The following AS3MT variants were observed in gnomAD, a reference collection of about 807,000 sequenced individuals.
AS3MT encodes the protein arsenite methyltransferase.
AS3MT carries 47 observed loss-of-function variants against 45.3 expected under a neutral mutation model. That is an observed-to-expected ratio of 1.04 (90% CI 0.82 to 1.32). AS3MT has a LOEUF of 1.32. Among genes scored for constraint, AS3MT ranks in the 40% most tolerant of loss-of-function variants. The pLI is 0.00. For synonymous variants in AS3MT, 141 were observed against 152.8 expected (o/e 0.92, Z 0.57); for missense variants, 396 against 451.1 (o/e 0.88, Z 1.11).
Position 102,878,430 on chromosome 10 carries a change from A to G in AS3MT, c.662A>G (p.Gln221Arg). 6.2e-7 allele frequency: 1 copy of G among 1,614,094 alleles called. No homozygotes were observed. Among genetic ancestry groups the G allele is most frequent in the Non-Finnish European group, 8.5e-7 (1 of 1,180,008 alleles). The change falls in exon 8 of 11, where the codon CAA becomes CGA. Residue 221 changes from glutamine (Q) to arginine (R), a missense_variant. Transcript: ENST00000369880. ...TGGAAGGAACTTGCTGTCCTTGCTC[A>G]AAAAATTGGGTTCTGCCCTCCACGT... ...LYWKELAVLAQKIGFCPPRLV... is the reference protein window; with the variant it reads ...LYWKELAVLARKIGFCPPRLV...
At chr10:102,874,065 C>A (rs1844740461) in intron 5 of AS3MT, among the ~76,000 whole-genome samples, 1 of 152,072 alleles carries the variant, frequency 6.6e-6, no homozygotes, top group African/African-American at 2.4e-5. Context: ...CCAGCTTGAA[C>A]AACATGGCGA....
rs1156239556 is a variant in AS3MT at position 102,901,264 on chromosome 10, A to C, written c.*564A>C. ...GCTGAAGTGCAGTGGCCCCATCTCA[A>C]CTCACTGCAAGCTCCACCTCCTGGG... is the stretch of plus-strand genomic sequence containing the variant. On this transcript the variant is annotated 3_prime_UTR_variant, in exon 11 of 11. Transcript: ENST00000369880. 2 of 151,588 alleles carry C rather than the reference A, an allele frequency of 1.3e-5. No homozygotes were observed. The highest frequency in any genetic ancestry group is 4.8e-5 in the African/African-American group (2 of 41,238). 9.4% of individuals were successfully genotyped at this position (151,588 alleles called of 1,614,324 possible).
rs532471223 is a variant in AS3MT at position 102,891,229 on chromosome 10, T to C, written c.1020+551T>C. On this transcript the variant is annotated intron_variant, in intron 10 of 10. Transcript: ENST00000369880. The stretch of plus-strand genomic sequence containing the variant: ...CCCTGGTACTGTCTGTGACTAATTA[T>C]GATTTTCGAGAGACAGTTAACAACC... 3.9e-5 allele frequency among the ~76,000 whole-genome samples: 6 copies of C among 152,296 alleles called. No individual in the cohort carries two copies. In the South Asian group the frequency reaches 1.2e-3, roughly 32 times the overall value.
chr10:102,870,783 T>A (rs887317328), intron 3 of AS3MT, among the ~76,000 whole-genome samples: 7 of 152,036 alleles, frequency 4.6e-5, no homozygotes, highest in Non-Finnish European at 8.8e-5. Context: ...TCTTTTTCCT[T>A]CCCAACCCTG....
intron 10 of AS3MT, among the ~76,000 whole-genome samples, chr10:102,899,727 G>T (rs1205907661): frequency 1.3e-5 from 2 of 150,928 alleles, no homozygotes; most frequent in African/African-American, 4.9e-5. Flanking sequence ...GAGTGCAGTG[G>T]TGTGATCTCA....
At chr10:102,872,107 A>G (rs1425594122) in intron 3 of AS3MT, among the ~76,000 whole-genome samples, 1 of 151,572 alleles carries the variant, frequency 6.6e-6, no homozygotes, top group African/African-American at 2.4e-5. Context: ...CTGGTCTCCA[A>G]CTCCTTGCCT....
At chr10:102,870,363 T>C in intron 3 of AS3MT, 152 bp downstream of exon 3, 1 of 1,061,056 alleles carries the variant, frequency 9.4e-7, no homozygotes, top group Non-Finnish European at 1.4e-6. Context: ...ACCCATCATC[T>C]TACTGCTCTA....
chr10:102,871,330 AG>A (rs1203093855), intron 3 of AS3MT, among the ~76,000 whole-genome samples: 22 of 152,088 alleles, frequency 1.4e-4, no homozygotes, highest in Admixed American at 1.2e-3. Context: ...GAGGATCACG[AG>A]GCCAGGAGAT....
chr10:102,884,080 G>C (rs1248814118), intron 9 of AS3MT, among the ~76,000 whole-genome samples: 1 of 149,776 alleles, frequency 6.7e-6, no homozygotes, highest in Non-Finnish European at 1.5e-5. Flanking sequence ...TCAGGTTCAA[G>C]CGATTATCCT....
intron 9 of AS3MT, among the ~76,000 whole-genome samples, chr10:102,882,498 T>C (rs1161455563): frequency 6.6e-6 from 1 of 152,190 alleles, no homozygotes; most frequent in Non-Finnish European, 1.5e-5. Context: ...TAGCCCACTA[T>C]AGTCTTGAAC....
chr10:102,869,973 A>G, intron 2 of AS3MT, 111 bp from the exon 3 acceptor site: 2 of 1,556,390 alleles, frequency 1.3e-6, no homozygotes, highest in Admixed American at 1.8e-5. Context: ...CGACCTTTCC[A>G]GGGAACTGAG....
intron 9 of AS3MT, among the ~76,000 whole-genome samples, chr10:102,883,226 C>A (rs940408916): frequency 2.0e-5 from 3 of 151,406 alleles, no homozygotes; most frequent in Non-Finnish European, 4.4e-5. Context: ...TCAGCCTCCC[C>A]AGTAGCTTGG....
chr10:102,880,637 G>A (rs1844857402), intron 9 of AS3MT, among the ~76,000 whole-genome samples: 1 of 152,132 alleles, frequency 6.6e-6, no homozygotes, highest in South Asian at 2.1e-4. Context: ...TTAAGCATTG[G>A]TCCTCAAAAC....
rs1845053334 is a variant in AS3MT, at chr10:102,890,586, T to A, written c.928T>A (p.Leu310Met). ...VEVDEETAAI[L>M]KNSRFAQDFL... ...AGTGGATGAAGAAACAGCAGCTATC[T>A]TGAAGAATTCAAGATTTGCTCAAGA... is the stretch of plus-strand genomic sequence containing the variant. The change falls in exon 10 of 11, where the codon TTG becomes ATG. Residue 310 changes from leucine (L) to methionine (M), a missense_variant. Physicochemically the swap from Leu to Met is conservative, Grantham distance 15 (BLOSUM62 2). Transcript: ENST00000369880. The A allele has an allele frequency of 1.2e-6, 2 of 1,611,224 alleles. No individual in the cohort carries two copies. Among genetic ancestry groups the A allele is most frequent in the African/African-American group, 1.3e-5 (1 of 74,808 alleles).
intron 6 of AS3MT, among the ~76,000 whole-genome samples, chr10:102,875,574 C>G (rs1040633246): frequency 1.3e-5 from 2 of 150,760 alleles, no homozygotes; most frequent in African/African-American, 4.9e-5. Flanking sequence ...TGCTTGAGCT[C>G]TGGAGTTTGT....
chr10:102,874,565 C>G, intron 5 of AS3MT, 27 bp from the exon 6 acceptor site: 1 of 1,518,788 alleles, frequency 6.6e-7, no homozygotes, highest in Non-Finnish European at 9.0e-7. Context: ...TGAAGATTTG[C>G]TCGACATTTC....
At chr10:102,888,881 A>ATATATTTT (rs1491503446) in intron 9 of AS3MT, among the ~76,000 whole-genome samples, 3 of 52,522 alleles carry the variant, frequency 5.7e-5, no homozygotes, top group African/African-American at 1.4e-4. Flanking sequence ...ATATATATAT[A>ATATATTTT]TTTTTTTTTT....
chr10:102,879,666 G>A (rs1844842500), intron 9 of AS3MT, among the ~76,000 whole-genome samples: 2 of 151,346 alleles, frequency 1.3e-5, no homozygotes, highest in Admixed American at 1.3e-4. Context: ...CTACTCTGGA[G>A]GCTGAGGCAG....
intron 9 of AS3MT, among the ~76,000 whole-genome samples, chr10:102,886,916 G>T (rs1844968482): frequency 6.6e-6 from 1 of 152,100 alleles, no homozygotes; most frequent in Non-Finnish European, 1.5e-5. Flanking sequence ...CAACTTTTTT[G>T]ATATAGGCAT....
Sources: allele counts gnomAD v4.1 joint callset (sites outside exome capture counted in the v4.1 genomes callset), GRCh38; gene constraint gnomAD v4.1.1; transcripts MANE v1.5; gene names NCBI Gene and HGNC (gene_info 2026-07-23, HGNC 2026-07-21).